Variants in ATG2B observed in about 807,000 individuals in gnomAD.
The protein encoded by ATG2B is autophagy related 2B, also known as autophagy-related protein 2 homolog B.
ATG2B carries 121 observed loss-of-function variants against 241.3 expected under a neutral mutation model. The ratio of observed to expected loss-of-function variants is 0.50; its 90% CI spans 0.43 to 0.58. The LOEUF is 0.58. ATG2B is among the 20% of genes least tolerant of loss of function. The probability of loss-of-function intolerance (pLI) is 0.00; values close to 1 mark genes in which losing one functional copy is unlikely to be tolerated. For synonymous variants in ATG2B, 858 were observed against 876.6 expected (o/e 0.98, Z 0.37); for missense variants, 2,306 against 2,491.6 (o/e 0.93, Z 1.59).
At chr14:96,340,100 TAG>T (rs1491141816) in intron 6 of ATG2B, among the ~76,000 whole-genome samples, 8,751 of 127,684 alleles carry the variant, frequency 0.069, 1,291 homozygotes, top group Non-Finnish European at 0.11. Flanking sequence ...ATATGCTATA[TAG>T]AATATATGAT....
intron 14 of ATG2B, among the ~76,000 whole-genome samples, chr14:96,326,886 C>T (rs1887600404): frequency 6.6e-6 from 1 of 152,160 alleles, no homozygotes; most frequent in South Asian, 2.1e-4. Context: ...CAAATCTATT[C>T]TAACTCTCCC....
chr14:96,314,202 T>C (rs909781726), intron 23 of ATG2B, among the ~76,000 whole-genome samples: 1 of 152,212 alleles, frequency 6.6e-6, no homozygotes, highest in Non-Finnish European at 1.5e-5. Context: ...GAAAAGAATT[T>C]TGAAAACACT....
In ATG2B at chr14:96,289,500, A is replaced by G; in HGVS notation, c.6006+156T>C. 1 of 848,012 alleles carries G rather than the reference A, an allele frequency of 1.2e-6. No homozygotes were observed. The allele number at this position is 848,012 out of a possible 1,614,324, so 52.5% of individuals were successfully genotyped here. A position where few individuals can be genotyped will look rare whatever the true frequency, so the allele number is the denominator to read the frequency against. The stretch of plus-strand genomic sequence containing the variant: ...GGTCCCAGACTGGCCCTTTTCCATC[A>G]CCTCACACAGATATGGGCACATGTT... On this transcript the variant is annotated intron_variant, in intron 41 of 41. Coordinates refer to ENST00000359933, the MANE Select transcript of ATG2B (RefSeq NM_018036.7). This position sits in a 1 kb window ranked among gnomAD's most constrained non-coding sequence, Gnocchi z 4.3.
At chr14:96,298,912 G>A (rs1405395172) in intron 34 of ATG2B, among the ~76,000 whole-genome samples, 4 of 145,188 alleles carry the variant, frequency 2.8e-5, no homozygotes, top group Non-Finnish European at 6.2e-5. Context: ...ATACCTCAGT[G>A]CAATCAATGT....
intron 37 of ATG2B, 30 bp downstream of exon 37, chr14:96,291,999 T>C (rs866421573): frequency 6.9e-7 from 1 of 1,447,974 alleles, no homozygotes. Flanking sequence ...TATGATAATT[T>C]TGTGGAGTAT....
chr14:96,317,295 C>T lies in ATG2B; in HGVS notation c.3060G>A (p.Glu1020=), dbSNP rs1887342151. ...CAGTGGAAAAATACTGCAAAGTCTC[C>T]TCCTCAGATCCACTTTCCTCATCTA... The part of the protein sequence containing the change: ...VHYDEESGSE[E]ETLQYFSTVD... Residue 1020 remains glutamate, a synonymous_variant, in exon 20 of 42, where the codon GAG becomes GAA. Coordinates refer to ENST00000359933, the MANE Select transcript of ATG2B (RefSeq NM_018036.7). The T allele has an allele frequency of 6.2e-7, 1 of 1,612,606 alleles. No homozygotes were observed. The highest frequency in any genetic ancestry group is 1.7e-4 in the Middle Eastern group (1 of 6,050).
intron 32 of ATG2B, 116 bp from the exon 33 acceptor site, chr14:96,303,371 T>C: frequency 1.3e-6 from 1 of 799,706 alleles, no homozygotes; most frequent in Non-Finnish European, 1.8e-6. Flanking sequence ...CTACCTCAGC[T>C]TACAATTCCA....
At chr14:96,355,989 T>C (rs1888462582) in intron 1 of ATG2B, among the ~76,000 whole-genome samples, 1 of 151,662 alleles carries the variant, frequency 6.6e-6, no homozygotes, top group Admixed American at 6.6e-5. Flanking sequence ...GCTAACATGG[T>C]GAAACCCCGT....
chr14:96,310,267 T>C lies in ATG2B; in HGVS notation c.4162-673A>G, dbSNP rs534375444. On this transcript the variant is annotated intron_variant, in intron 28 of 41. Transcript: ENST00000359933. ...GTCATAAATCACCTTATCGTGAGAA[T>C]ACAGCAGGAACAAGGAGTCACAAAC... Among the ~76,000 whole-genome samples the C allele has an allele frequency of 2.6e-5, 4 of 152,268 alleles. No homozygotes were observed. In the South Asian group the frequency reaches 8.3e-4, roughly 32 times the overall value.
rs1007483327 is a variant in ATG2B, at chr14:96,289,421, G to A, written c.6006+235C>T. On this transcript the variant is annotated intron_variant, in intron 41 of 41. Transcript: ENST00000359933. This position sits in a 1 kb window ranked among gnomAD's most constrained non-coding sequence, Gnocchi z 4.3. The stretch of plus-strand genomic sequence containing the variant: ...TCACTCCCTGAGTGCTTCTGCAGGT[G>A]AAGAGAGAGAATCCATCCACCCACG... The A allele has an allele frequency of 4.8e-6, 2 of 418,364 alleles. No individual in the cohort carries two copies. Among genetic ancestry groups the A allele is most frequent in the African/African-American group, 4.0e-5 (2 of 50,014 alleles). The allele number at this position is 418,364 out of a possible 1,614,324, so 25.9% of individuals were successfully genotyped here. A position where few individuals can be genotyped will look rare whatever the true frequency, so the allele number is the denominator to read the frequency against.
At chr14:96,336,479 G>C (rs1242541947) in intron 6 of ATG2B, among the ~76,000 whole-genome samples, 1 of 152,146 alleles carries the variant, frequency 6.6e-6, no homozygotes, top group African/African-American at 2.4e-5. Flanking sequence ...CCACTACGCA[G>C]TTTTTCCACA....
At chr14:96,294,176 C>T (rs1444860862) in intron 36 of ATG2B, among the ~76,000 whole-genome samples, 2 of 152,142 alleles carry the variant, frequency 1.3e-5, no homozygotes, top group Non-Finnish European at 2.9e-5. Flanking sequence ...TTGGCCCATG[C>T]CTAAAGTCTA....
intron 11 of ATG2B, among the ~76,000 whole-genome samples, chr14:96,330,198 GA>G (rs376106599): frequency 1.0e-4 from 15 of 144,688 alleles, no homozygotes; most frequent in African/African-American, 2.3e-4. Flanking sequence ...AAAAATACAA[GA>G]AAAAAAAAGG....
At chr14:96,362,601 ATC>A (rs1424584794) in intron 1 of ATG2B, among the ~76,000 whole-genome samples, 1 of 151,090 alleles carries the variant, frequency 6.6e-6, no homozygotes, top group East Asian at 1.9e-4. Context: ...ATTCCATTAC[ATC>A]TGTTAAAGTT....
chr14:96,349,783 A>G (rs1365158638), intron 1 of ATG2B, among the ~76,000 whole-genome samples: 1 of 152,166 alleles, frequency 6.6e-6, no homozygotes, highest in African/African-American at 2.4e-5. Flanking sequence ...ATCTAGGTAG[A>G]GGTGCTAAGG....
Position 96,325,867 on chromosome 14 carries a change from C to A in ATG2B, c.2219G>T (p.Arg740Leu). Residue 740 changes from arginine (R) to leucine (L), a missense_variant, in exon 15 of 42, where the codon CGG (arginine) becomes CTG (leucine). Transcript: ENST00000359933. ...TGGTGTGGCAACTTGTACTGATATC[C>A]GACAATTTGCAGGACTATGTGAATC... ...LDDSHSPANC[R>L]ISVQVATPAL... The A allele has an allele frequency of 6.2e-7, 1 of 1,613,814 alleles. No individual in the cohort carries two copies. The highest frequency in any genetic ancestry group is 1.1e-5 in the South Asian group (1 of 91,054).
intron 21 of ATG2B, among the ~76,000 whole-genome samples, chr14:96,316,140 GA>G (rs1196621021): frequency 1.3e-5 from 2 of 152,206 alleles, no homozygotes; most frequent in Non-Finnish European, 2.9e-5. Flanking sequence ...CAAATCCATA[GA>G]AACAGAGTGT....
Position 96,290,214 on chromosome 14 carries a change from C to T in ATG2B, c.5856+222G>A. Reference sequence around the variant, plus strand: ...TGCTAACTTAATGTTTACAATTTACCTGAAATAGGCAAACAAATCTGACAC... The same window carrying T: ...TGCTAACTTAATGTTTACAATTTACTTGAAATAGGCAAACAAATCTGACAC... On this transcript the variant is annotated intron_variant, in intron 40 of 41. Coordinates refer to ENST00000359933, the MANE Select transcript of ATG2B (RefSeq NM_018036.7). This position sits in a 1 kb window ranked among gnomAD's most constrained non-coding sequence, Gnocchi z 4.4. 1.5e-6 allele frequency: 2 copies of T among 1,298,286 alleles called. No individual in the cohort carries two copies. Among genetic ancestry groups the T allele is most frequent in the Non-Finnish European group, 2.0e-6 (2 of 1,014,774 alleles). 80.4% of individuals were successfully genotyped at this position (1,298,286 alleles called of 1,614,324 possible).
chr14:96,307,818 T>C (rs914638349), intron 29 of ATG2B, among the ~76,000 whole-genome samples: 11 of 152,136 alleles, frequency 7.2e-5, no homozygotes, highest in African/African-American at 2.7e-4. Context: ...TAGGTAGCTA[T>C]CGCAAAAGAT....
Sources: gnomAD v4.1 joint callset for allele counts (sites outside exome capture counted in the v4.1 genomes callset) on GRCh38, gnomAD v4.1.1 for gene constraint, Gnocchi (gnomAD v3.1) non-coding constraint, MANE v1.5 for transcripts, NCBI Gene and HGNC (gene_info 2026-07-23, HGNC 2026-07-21) for gene names.